The following DSCAML1 variants were observed in gnomAD, a reference collection of about 807,000 sequenced individuals.
DSCAML1 encodes the protein cell adhesion molecule DSCAML1.
DSCAML1 carries 38 observed loss-of-function variants against 200.5 expected under a neutral mutation model. The ratio of observed to expected loss-of-function variants is 0.19; its 90% CI spans 0.15 to 0.25. The LOEUF is 0.25. Among genes scored for constraint, DSCAML1 ranks in the 10% least tolerant of loss-of-function variants. DSCAML1 has a pLI of 1.00. For synonymous variants in DSCAML1, 1,215 were observed against 1,165.0 expected, an observed-to-expected ratio of 1.04 and a Z score of -0.87; for missense variants, 2,223 against 2,858.8, an observed-to-expected ratio of 0.78 and a Z score of 5.07.
chr11:117,569,559 T>G (rs2050811716), intron 3 of DSCAML1, among the ~76,000 whole-genome samples: 1 of 152,198 alleles, frequency 6.6e-6, no homozygotes, highest in African/African-American at 2.4e-5. Context: ...TGAGCCACCC[T>G]GCCAAGCCCT....
At position 117,519,547 on chromosome 11, in the gene DSCAML1, C is replaced by T. The variant is rs563574300; in HGVS notation, c.1214-785G>A. Among the ~76,000 whole-genome samples the T allele has an allele frequency of 6.6e-5, 10 of 152,290 alleles. 1 individual carries two copies. The highest frequency in any genetic ancestry group is 1.7e-4 in the African/African-American group (7 of 41,552). ...AAGTACTTTAAAAGTAGGCCAGCCA[C>T]GGTTGCTTATGCTTGTAATCTCAGC... On this transcript the variant is annotated intron_variant, in intron 6 of 32. Coordinates refer to ENST00000651296, the MANE Select transcript of DSCAML1 (RefSeq NM_020693.4).
chr11:117,675,741 G>A (rs1464147856), intron 3 of DSCAML1, among the ~76,000 whole-genome samples: 8 of 152,030 alleles, frequency 5.3e-5, no homozygotes, highest in Non-Finnish European at 7.4e-5. Context: ...CTCGGGCATC[G>A]TTTCTTGTTG....
chr11:117,674,375 G>A (rs902535494), intron 3 of DSCAML1, among the ~76,000 whole-genome samples: 3 of 152,160 alleles, frequency 2.0e-5, no homozygotes, highest in African/African-American at 7.2e-5. Context: ...GACGGGGGAA[G>A]CTGAAGCAGT....
chr11:117,712,200 A>G (rs554968414), intron 3 of DSCAML1, among the ~76,000 whole-genome samples: 2 of 152,336 alleles, frequency 1.3e-5, no homozygotes, highest in South Asian at 4.1e-4. Flanking sequence ...GAAAATGCAG[A>G]ACTAGGCTCC....
chr11:117,673,699 G>C (rs537794102), intron 3 of DSCAML1, among the ~76,000 whole-genome samples: 7 of 152,364 alleles, frequency 4.6e-5, no homozygotes, highest in Middle Eastern at 3.4e-3. Context: ...CCACTGGGTT[G>C]AGGAGGTGGG....
chr11:117,766,213 A>G (rs961713041), intron 3 of DSCAML1, among the ~76,000 whole-genome samples: 7 of 152,230 alleles, frequency 4.6e-5, no homozygotes, highest in African/African-American at 1.7e-4. Flanking sequence ...TCTCATTGAT[A>G]CACAACAGAG....
chr11:117,643,238 A>C (rs1047114855), intron 3 of DSCAML1, among the ~76,000 whole-genome samples: 1 of 152,164 alleles, frequency 6.6e-6, no homozygotes, highest in African/African-American at 2.4e-5. Flanking sequence ...AGAAAATATA[A>C]ATAGCTTCTG....
intron 3 of DSCAML1, among the ~76,000 whole-genome samples, chr11:117,562,328 C>T (rs1372638311): frequency 2.0e-5 from 3 of 152,200 alleles, no homozygotes; most frequent in African/African-American, 7.2e-5. Context: ...ACAACAACAC[C>T]CCCTCTCTCT....
rs760867107 is a variant in DSCAML1 at position 117,430,971 on chromosome 11, G to C, written c.5437C>G (p.Arg1813Gly). ...SASSTYEELA[R>G]AYEHAKLEEQ... ...TCCAGCTTGGCATGCTCATAGGCCC[G>C]GGCCAGCTCCTCGTAGGTGGAAGAG... Residue 1813 changes from arginine to glycine, a missense_variant, in exon 32 of 33, where the codon CGG (arginine) becomes GGG (glycine). Coordinates refer to ENST00000651296, the MANE Select transcript of DSCAML1 (RefSeq NM_020693.4). 1.9e-6 allele frequency: 3 copies of C among 1,614,146 alleles called. No homozygotes were observed. The highest frequency in any genetic ancestry group is 2.5e-6 in the Non-Finnish European group (3 of 1,180,038).
intron 3 of DSCAML1, among the ~76,000 whole-genome samples, chr11:117,739,568 G>A (rs752142001): frequency 9.9e-5 from 15 of 152,220 alleles, no homozygotes; most frequent in Admixed American, 2.0e-4. Context: ...TGTAGACAGC[G>A]TGAGCCACGC....
intron 1 of DSCAML1, among the ~76,000 whole-genome samples, chr11:117,806,024 T>G (rs2055704791): frequency 6.6e-6 from 1 of 152,148 alleles, no homozygotes; most frequent in Non-Finnish European, 1.5e-5. Flanking sequence ...AGCTAAGTGG[T>G]GTTTACCTCC....
At chr11:117,756,483 C>G (rs576042351) in intron 3 of DSCAML1, among the ~76,000 whole-genome samples, 30 of 152,304 alleles carry the variant, frequency 2.0e-4, no homozygotes, top group African/African-American at 6.5e-4. Flanking sequence ...GATGAGAATA[C>G]AAATCTTCCT....
chr11:117,761,853 G>A (rs992670927), intron 3 of DSCAML1, among the ~76,000 whole-genome samples: 1 of 152,144 alleles, frequency 6.6e-6, no homozygotes, highest in African/African-American at 2.4e-5. Context: ...CCTGGGTGCT[G>A]GAGCCAGACC....
rs533653544 is a variant in DSCAML1 at position 117,688,676 on chromosome 11, GCC to G, written c.511+88113_511+88114del. On this transcript the variant is annotated intron_variant, in intron 3 of 32. Transcript: ENST00000651296. ...CTTGTATCTGATGGGAATGATGCATGCCCACCTTACCTGCCTTAAAGGGCCAT... is the reference window on the plus strand; with the variant it reads ...CTTGTATCTGATGGGAATGATGCATGCACCTTACCTGCCTTAAAGGGCCAT... Among the ~76,000 whole-genome samples, 196 of 152,284 alleles carry G rather than the reference GCC, an allele frequency of 1.3e-3. 1 individual carries two copies. The highest frequency in any genetic ancestry group is 4.3e-3 in the African/African-American group (179 of 41,564).
chr11:117,715,549 GC>G (rs1292415753), intron 3 of DSCAML1, among the ~76,000 whole-genome samples: 1 of 152,242 alleles, frequency 6.6e-6, no homozygotes, highest in Non-Finnish European at 1.5e-5. Flanking sequence ...GATAGCTCTT[GC>G]CTGCATGGAA....
At chr11:117,761,306 G>A (rs148767484) in intron 3 of DSCAML1, among the ~76,000 whole-genome samples, 11 of 152,020 alleles carry the variant, frequency 7.2e-5, no homozygotes, top group Admixed American at 2.0e-4. Flanking sequence ...CTCACACCTG[G>A]ACATGCTCAG....
chr11:117,677,156 A>G (rs2053230283), intron 3 of DSCAML1, among the ~76,000 whole-genome samples: 1 of 152,214 alleles, frequency 6.6e-6, no homozygotes, highest in Non-Finnish European at 1.5e-5. Context: ...GGCATGTAAA[A>G]GAGGACATTT....
At chr11:117,659,137 T>C (rs950036376) in intron 3 of DSCAML1, among the ~76,000 whole-genome samples, 3 of 152,226 alleles carry the variant, frequency 2.0e-5, no homozygotes, top group Non-Finnish European at 4.4e-5. Context: ...GTAAGCCAAG[T>C]TCAGCATGGT....
At chr11:117,531,013 T>C (rs1051768621) in intron 4 of DSCAML1, among the ~76,000 whole-genome samples, 2 of 152,096 alleles carry the variant, frequency 1.3e-5, no homozygotes, top group Non-Finnish European at 2.9e-5. Flanking sequence ...CAGAATTAGA[T>C]AGAATAGAAT....
Sources: allele counts gnomAD v4.1 joint callset (sites outside exome capture counted in the v4.1 genomes callset), GRCh38; gene constraint gnomAD v4.1.1; transcripts MANE v1.5; gene names NCBI Gene and HGNC (gene_info 2026-07-23, HGNC 2026-07-21).